The following ENTR1 variants were observed in gnomAD, a reference collection of about 807,000 sequenced individuals.
ENTR1 encodes endosome associated trafficking regulator 1, also known as endosome-associated-trafficking regulator 1.
Under a neutral mutation model 47.9 loss-of-function variants are expected in ENTR1, and 47 were observed. The ratio of observed to expected loss-of-function variants is 0.98; its 90% CI spans 0.78 to 1.25. The LOEUF (loss-of-function observed/expected upper bound fraction) is 1.25, where lower values mean the gene tolerates loss of function less well. Among genes scored for constraint, ENTR1 ranks in the 50% most tolerant of loss-of-function variants. ENTR1 has a pLI of 0.00. For synonymous variants in ENTR1, 290 were observed against 245.8 expected (o/e 1.18, Z -1.68); for missense variants, 668 against 570.5 (o/e 1.17, Z -1.74).
At position 136,410,578 on chromosome 9, in the gene ENTR1, G is replaced by T. The variant is rs1316861374; in HGVS notation, c.-181C>A. The T allele has an allele frequency of 5.0e-6, 6 of 1,189,136 alleles. No homozygotes were observed. The highest frequency in any genetic ancestry group is 4.3e-4 in the Middle Eastern group (2 of 4,672). The allele number at this position is 1,189,136 out of a possible 1,614,324, so 73.7% of individuals were successfully genotyped here. A position where few individuals can be genotyped will look rare whatever the true frequency, so the allele number is the denominator to read the frequency against. The stretch of plus-strand genomic sequence containing the variant: ...TGCTTCCGCTCCGAGCACCGAAAGC[G>T]CGTGCCTGAACGCCTTGGGCCGTCG... On this transcript the variant is annotated 5_prime_UTR_variant, in exon 1 of 10. Transcript: ENST00000357365.
At chr9:136,408,447 G>A (rs1349406390) in intron 3 of ENTR1, among the ~76,000 whole-genome samples, 1 of 151,930 alleles carries the variant, frequency 6.6e-6, no homozygotes, top group African/African-American at 2.4e-5. Flanking sequence ...GCGTGGTGGT[G>A]AGCGCCTGTA....
Position 136,404,200 on chromosome 9 carries a change from G to A in ENTR1, c.1069-6C>T. On this transcript the variant is annotated splice_region_variant and splice_polypyrimidine_tract_variant and intron_variant, in intron 8 of 9. Coordinates refer to ENST00000357365, the MANE Select transcript of ENTR1 (RefSeq NM_001039707.2). Reference sequence around the variant, plus strand: ...TGGAAGTTGGAGACCTGCGCCTGGGGGGACGGTTACGGCTAAGGACAGAGC... The same window carrying A: ...TGGAAGTTGGAGACCTGCGCCTGGGAGGACGGTTACGGCTAAGGACAGAGC... 7 of 1,604,330 alleles carry A rather than the reference G, an allele frequency of 4.4e-6. No individual in the cohort carries two copies. Among genetic ancestry groups the A allele is most frequent in the Non-Finnish European group, 6.0e-6 (7 of 1,174,402 alleles).
In ENTR1 at chr9:136,405,982, T is replaced by C. The variant is rs766238048; in HGVS notation, c.820-4A>G. ...GCTTAGAATTTTCATCTTTCAGCTG[T>C]GGAGAGAGAACATCCTTATTAGAAA... On this transcript the variant is annotated splice_polypyrimidine_tract_variant and splice_region_variant and intron_variant, in intron 5 of 9. Coordinates refer to ENST00000357365, the MANE Select transcript of ENTR1 (RefSeq NM_001039707.2). The C allele has an allele frequency of 4.9e-5, 78 of 1,605,510 alleles. No individual in the cohort carries two copies. The highest frequency in any genetic ancestry group is 2.1e-4 in the South Asian group (19 of 89,400).
At position 136,410,372 on chromosome 9, in the gene ENTR1, C is replaced by A. The variant is rs1403853959; in HGVS notation, c.26G>T (p.Gly9Val). MSGYQRRPGATPLSRARSL... is the reference protein window; with the variant it reads MSGYQRRPVATPLSRARSL... The stretch of plus-strand genomic sequence containing the variant: ...CCGGGCTCGGGACAGCGGGGTGGCG[C>A]CCGGGCGGCGCTGGTAGCCCGACAT... Residue 9 changes from glycine to valine, a missense_variant, in exon 1 of 10, where the codon GGC becomes GTC. Transcript: ENST00000357365. 1.4e-6 allele frequency: 2 copies of A among 1,460,878 alleles called. No homozygotes were observed. The allele number at this position is 1,460,878 out of a possible 1,614,324, so 90.5% of individuals were successfully genotyped here.
chr9:136,407,034 T>C (rs1834797460), intron 5 of ENTR1, 111 bp downstream of exon 5: 1 of 1,123,766 alleles, frequency 8.9e-7, no homozygotes, highest in Non-Finnish European at 1.3e-6. Context: ...CAAATCGCCT[T>C]GTCCTGGAAA....
chr9:136,405,443 T>C (rs895565411), intron 6 of ENTR1: 12 of 498,068 alleles, frequency 2.4e-5, no homozygotes, highest in Non-Finnish European at 4.0e-5. Context: ...GCCTAAAGTT[T>C]AAAATAAACC....
Position 136,404,035 on chromosome 9 carries a change from G to A in ENTR1, c.1208+20C>T, listed in dbSNP as rs371309664. 47 of 1,555,700 alleles carry A rather than the reference G, an allele frequency of 3.0e-5. No homozygotes were observed. Among genetic ancestry groups the A allele is most frequent in the Middle Eastern group, 2.2e-4 (1 of 4,588 alleles). ...CACCCCTTTCCCCGCCAGGCTTCCC[G>A]GTGCCTCCCAGGCACTCACTTGATG... On this transcript the variant is annotated intron_variant, in intron 9 of 9. Transcript: ENST00000357365.
At chr9:136,404,527 G>A in intron 8 of ENTR1, 104 bp downstream of exon 8, 2 of 1,249,688 alleles carry the variant, frequency 1.6e-6, no homozygotes, top group Non-Finnish European at 2.3e-6. Flanking sequence ...TCTCTGCTTG[G>A]GCTCAGGGGA....
intron 3 of ENTR1, among the ~76,000 whole-genome samples, chr9:136,408,724 C>G (rs1035694161): frequency 6.6e-6 from 1 of 152,168 alleles, no homozygotes; most frequent in Admixed American, 6.5e-5. Context: ...TCCCACCCTC[C>G]GGGGACTTAA....
In ENTR1 at chr9:136,403,129, T is replaced by A. The variant is rs1347934771; in HGVS notation, c.1209-242A>T. Among the ~76,000 whole-genome samples the A allele has an allele frequency of 1.5e-4, 8 of 52,318 alleles. 1 individual carries two copies. Among genetic ancestry groups the A allele is most frequent in the African/African-American group, 5.6e-4 (7 of 12,424 alleles). 34.3% of individuals were successfully genotyped at this position (52,318 alleles called of 152,430 possible). ...TTGGTAGGCAGAAAAAGGGGAGAGG[T>A]TCTGAGGGGGAGAAAGGGGAGGAAT... On this transcript the variant is annotated intron_variant, in intron 9 of 9. Coordinates refer to ENST00000357365, the MANE Select transcript of ENTR1 (RefSeq NM_001039707.2).
At chr9:136,406,928 T>C (rs1331448740) in intron 5 of ENTR1, 1 of 542,436 alleles carries the variant, frequency 1.8e-6, no homozygotes, top group Non-Finnish European at 3.2e-6. Context: ...TGCATCCAAT[T>C]CACAGCTTCT....
At chr9:136,406,884 C>T in intron 5 of ENTR1, 1 of 390,490 alleles carries the variant, frequency 2.6e-6, no homozygotes, top group South Asian at 7.7e-5. Flanking sequence ...TGCAGCCTGC[C>T]TTTACTGAGG....
intron 5 of ENTR1, chr9:136,406,827 T>C (rs1203075672): frequency 2.1e-5 from 5 of 241,230 alleles, no homozygotes; most frequent in African/African-American, 4.5e-5. Flanking sequence ...GTGATTATAA[T>C]TTTTTAAAAA....
rs371315205 is a variant in ENTR1 at position 136,407,355 on chromosome 9, G to A, written c.609C>T (p.Ala203=). 26 of 1,607,240 alleles carry A rather than the reference G, an allele frequency of 1.6e-5. No homozygotes were observed. Among genetic ancestry groups the A allele is most frequent in the African/African-American group, 4.0e-5 (3 of 74,804 alleles). ...IEQTHPERVP[A]GTSPCSTYLS... is the part of the protein sequence containing the mutation. ...GGTATGTGCTGCAGGGCGACGTGCC[G>A]GCAGGGACCCTCTCGGGGTGAGTCT... The change falls in exon 5 of 10, where the codon GCC becomes GCT. Residue 203 remains alanine, a synonymous_variant. Coordinates refer to ENST00000357365, the MANE Select transcript of ENTR1 (RefSeq NM_001039707.2).
In ENTR1 at chr9:136,405,886, T is replaced by C; in HGVS notation, c.893+19A>G. 2.0e-6 allele frequency: 3 copies of C among 1,521,554 alleles called. No individual in the cohort carries two copies. Among genetic ancestry groups the C allele is most frequent in the Non-Finnish European group, 2.7e-6 (3 of 1,114,642 alleles). 94.3% of individuals were successfully genotyped at this position (1,521,554 alleles called of 1,614,324 possible). On this transcript the variant is annotated intron_variant, in intron 6 of 9. Coordinates refer to ENST00000357365, the MANE Select transcript of ENTR1 (RefSeq NM_001039707.2). ...TATTAGATGTTGTGGATTGCATTCC[T>C]AACTAAAAGCTTACATACATTTCTG...
At chr9:136,408,194 G>T (rs903502131) in intron 3 of ENTR1, among the ~76,000 whole-genome samples, 2 of 152,096 alleles carry the variant, frequency 1.3e-5, no homozygotes, top group Non-Finnish European at 2.9e-5. Context: ...GCTCACTAAA[G>T]CTCCCCTGGG....
At position 136,407,023 on chromosome 9, in the gene ENTR1, G is replaced by A. The variant is rs1834796821; in HGVS notation, c.819+122C>T. The A allele has an allele frequency of 1.3e-5, 13 of 968,124 alleles. No individual in the cohort carries two copies. In the Admixed American group the frequency reaches 2.6e-4, roughly 19 times the overall value. The allele number at this position is 968,124 out of a possible 1,614,324, so 60.0% of individuals were successfully genotyped here. ...GGGAAAGTGGATAGCAGGCTGTCAC[G>A]CAAATCGCCTTGTCCTGGAAATCAA... is the stretch of plus-strand genomic sequence containing the variant. On this transcript the variant is annotated intron_variant, in intron 5 of 9. Coordinates refer to ENST00000357365, the MANE Select transcript of ENTR1 (RefSeq NM_001039707.2).
intron 3 of ENTR1, 77 bp downstream of exon 3, chr9:136,408,922 A>C: frequency 8.3e-7 from 1 of 1,209,078 alleles, no homozygotes; most frequent in Non-Finnish European, 1.2e-6. Flanking sequence ...AGCCAGTCAC[A>C]TTGACAGTCC....
intron 9 of ENTR1, 36 bp downstream of exon 9, chr9:136,404,019 C>G (rs573458791): frequency 6.4e-7 from 1 of 1,555,208 alleles, no homozygotes; most frequent in Admixed American, 1.9e-5. Flanking sequence ...TCACCCCTTT[C>G]CCCGCCAGGC....
Sources: allele counts gnomAD v4.1 joint callset (sites outside exome capture counted in the v4.1 genomes callset), GRCh38; gene constraint gnomAD v4.1.1; transcripts MANE v1.5; gene names NCBI Gene and HGNC (gene_info 2026-07-23, HGNC 2026-07-21).